MAP4K3: variants seen among roughly 807,000 people sequenced by gnomAD.
MAP4K3 encodes MAPK/ERK kinase kinase kinase 3.
In MAP4K3, 94 loss-of-function variants were observed where a neutral mutation model predicts 143.5. The ratio of observed to expected loss-of-function variants is 0.65; its 90% confidence interval spans 0.55 to 0.78. The LOEUF is 0.78. MAP4K3 is among the 30% of genes least tolerant of loss of function. The pLI, the probability that MAP4K3 is intolerant of heterozygous loss-of-function variation, is 0.00. For missense variants in MAP4K3, 1,077 were observed against 1,068.1 expected (o/e 1.01, Z -0.12); for synonymous variants, 416 against 347.2 (o/e 1.20, Z -2.20).
chr2:39,313,434 T>C (rs1208035730), intron 13 of MAP4K3, among the ~76,000 whole-genome samples: 1 of 151,130 alleles, frequency 6.6e-6, no homozygotes, highest in African/African-American at 2.4e-5. Context: ...TGAATTCTCA[T>C]ATGATGTTCT....
intron 31 of MAP4K3, among the ~76,000 whole-genome samples, chr2:39,256,640 G>A (rs1680351997): frequency 6.6e-6 from 1 of 152,040 alleles, no homozygotes; most frequent in Admixed American, 6.6e-5. Context: ...ATTTTATTTA[G>A]ATTTTTAAAA....
At chr2:39,388,067 G>A (rs1005445059) in intron 1 of MAP4K3, among the ~76,000 whole-genome samples, 20 of 152,030 alleles carry the variant, frequency 1.3e-4, no homozygotes, top group African/African-American at 3.6e-4. Flanking sequence ...TTCAAAAATG[G>A]ACCTGTTCCA....
chr2:39,384,822 A>G (rs531515032), intron 1 of MAP4K3, among the ~76,000 whole-genome samples: 1 of 152,360 alleles, frequency 6.6e-6, no homozygotes, highest in South Asian at 2.1e-4. Context: ...AGTAATTTTA[A>G]CACATATATT....
Position 39,432,254 on chromosome 2 carries a change from A to G in MAP4K3, c.96+4638T>C, listed in dbSNP as rs375836545. 8.1e-4 allele frequency among the ~76,000 whole-genome samples: 124 copies of G among 152,372 alleles called. 1 individual carries two copies. The highest frequency in any genetic ancestry group is 1.6e-3 in the Non-Finnish European group (107 of 68,028). The stretch of plus-strand genomic sequence containing the variant: ...ATGATGCATTAGATACGTTTCACCA[A>G]TAAATACATATACAGATCAAAGGCT... On this transcript the variant is annotated intron_variant, in intron 1 of 33. Coordinates refer to ENST00000263881, the MANE Select transcript of MAP4K3 (RefSeq NM_003618.4).
intron 1 of MAP4K3, among the ~76,000 whole-genome samples, chr2:39,419,358 C>A (rs1273297579): frequency 6.6e-6 from 1 of 152,026 alleles, no homozygotes; most frequent in Non-Finnish European, 1.5e-5. Context: ...TGTCTAAAAT[C>A]TTATAAAGCA....
At position 39,267,229 on chromosome 2, in the gene MAP4K3, T is replaced by C; in HGVS notation, c.1992A>G (p.Ala664=). 6.2e-7 allele frequency: 1 copy of C among 1,614,026 alleles called. No individual in the cohort carries two copies. Among genetic ancestry groups the C allele is most frequent in the Non-Finnish European group, 8.5e-7 (1 of 1,179,938 alleles). Residue 664 remains alanine, a synonymous_variant, in exon 27 of 34, where the codon GCA becomes GCG. Transcript: ENST00000263881. The part of the protein sequence containing the change: ...RILPRKFSVS[A]KIPETKWCQK... ...GGCACCATTTGGTTTCAGGGATTTT[T>C]GCTGATACAGAAAATTTCCTAAATG...
At chr2:39,353,768 A>G (rs2148549004) in intron 3 of MAP4K3, among the ~76,000 whole-genome samples, 1 of 151,898 alleles carries the variant, frequency 6.6e-6, no homozygotes, top group Admixed American at 6.5e-5. Flanking sequence ...AGCAGCAGCA[A>G]TAGTAGTAGT....
At chr2:39,427,315 GAA>G (rs925656863) in intron 1 of MAP4K3, among the ~76,000 whole-genome samples, 2 of 151,574 alleles carry the variant, frequency 1.3e-5, no homozygotes, top group African/African-American at 4.8e-5. Flanking sequence ...CACTTAAAAA[GAA>G]AAGTTAAAAG....
At chr2:39,258,111 T>G (rs1190140124) in intron 31 of MAP4K3, among the ~76,000 whole-genome samples, 1 of 152,078 alleles carries the variant, frequency 6.6e-6, no homozygotes. Context: ...TTTGTATTTT[T>G]AGTAGACACG....
At chr2:39,337,496 A>C in intron 5 of MAP4K3, 30 bp downstream of exon 5, 1 of 1,562,900 alleles carries the variant, frequency 6.4e-7, no homozygotes. Context: ...TTAATGAAAA[A>C]TGTTATTTTT....
At chr2:39,313,516 T>C (rs1443071076) in intron 13 of MAP4K3, among the ~76,000 whole-genome samples, 3 of 151,278 alleles carry the variant, frequency 2.0e-5, no homozygotes, top group Non-Finnish European at 4.4e-5. Context: ...CTCTCTCTCT[T>C]CTCTCTCTCT....
At chr2:39,284,840 T>C (rs1681694004) in intron 21 of MAP4K3, among the ~76,000 whole-genome samples, 1 of 151,714 alleles carries the variant, frequency 6.6e-6, no homozygotes, top group African/African-American at 2.4e-5. Context: ...CGAGACTCCA[T>C]CTCAAAATGA....
At chr2:39,276,179 C>T (rs921406122) in intron 24 of MAP4K3, among the ~76,000 whole-genome samples, 2 of 152,038 alleles carry the variant, frequency 1.3e-5, no homozygotes, top group East Asian at 1.9e-4. Context: ...GCCTTGTAAT[C>T]GATTTATATT....
chr2:39,310,922 A>G (rs1682917515), intron 13 of MAP4K3, among the ~76,000 whole-genome samples: 1 of 152,180 alleles, frequency 6.6e-6, no homozygotes, highest in African/African-American at 2.4e-5. Flanking sequence ...TCAGCTGGAA[A>G]AAGCCCAATA....
At chr2:39,313,198 G>C (rs1051228039) in intron 13 of MAP4K3, among the ~76,000 whole-genome samples, 1 of 152,180 alleles carries the variant, frequency 6.6e-6, no homozygotes, top group Admixed American at 6.5e-5. Flanking sequence ...CACTGTTTAT[G>C]ATGCTCTTTT....
At chr2:39,313,286 G>C (rs1025466732) in intron 13 of MAP4K3, among the ~76,000 whole-genome samples, 4 of 151,970 alleles carry the variant, frequency 2.6e-5, no homozygotes, top group Admixed American at 2.6e-4. Context: ...CTTGCATCGC[G>C]GGGGTTTATT....
chr2:39,333,453 T>G, intron 7 of MAP4K3, 79 bp downstream of exon 7: 1 of 1,105,666 alleles, frequency 9.0e-7, no homozygotes, highest in African/African-American at 1.6e-5. Flanking sequence ...AGGGAAAACC[T>G]GGTCCTACAA....
intron 18 of MAP4K3, among the ~76,000 whole-genome samples, 165 bp downstream of exon 18, chr2:39,292,608 G>A (rs1256233069): frequency 6.6e-6 from 1 of 152,140 alleles, no homozygotes; most frequent in East Asian, 1.9e-4. Context: ...TGTTATGTCA[G>A]CCCAAGTTAA....
chr2:39,285,291 A>ATAAATT (rs1233794396), intron 21 of MAP4K3, among the ~76,000 whole-genome samples: 2 of 152,246 alleles, frequency 1.3e-5, no homozygotes, highest in African/African-American at 4.8e-5. Flanking sequence ...AATTACTGAA[A>ATAAATT]CAGTTCCTTA....
Sources: gnomAD v4.1 joint callset for allele counts (sites outside exome capture counted in the v4.1 genomes callset) on GRCh38, gnomAD v4.1.1 for gene constraint, MANE v1.5 for transcripts, NCBI Gene and HGNC (gene_info 2026-07-23, HGNC 2026-07-21) for gene names.